The following BTBD9 variants were observed in gnomAD, a reference collection of about 807,000 sequenced individuals.
BTBD9 encodes BTB domain containing 9, also known as BTB/POZ domain-containing protein 9.
Under a neutral mutation model 64.3 loss-of-function variants are expected in BTBD9, and 49 were observed. That is an observed-to-expected ratio of 0.76 (90% CI 0.61 to 0.97). The LOEUF (loss-of-function observed/expected upper bound fraction) is 0.97. BTBD9 is among the 50% of genes least tolerant of loss of function. BTBD9 has a pLI of 0.00. For synonymous variants in BTBD9, 260 were observed against 274.7 expected, an observed-to-expected ratio of 0.95 and a Z score of 0.53; for missense variants, 598 against 762.1, an observed-to-expected ratio of 0.78 and a Z score of 2.53.
At position 38,557,015 on chromosome 6, in the gene BTBD9, C is replaced by CAAAAAAAAAAAAAAAAAA. The variant is rs397888418; in HGVS notation, c.1154+20567_1154+20584dup. On this transcript the variant is annotated intron_variant, in intron 6 of 10. Coordinates refer to ENST00000481247, the MANE Select transcript of BTBD9 (RefSeq NM_001099272.2). ...GGAACAGAGCGAGACTCCATCTCAC[C>CAAAAAAAAAAAAAAAAAA]AAAAAAAAAAAAAAAAAAAAAAAAA... is the stretch of plus-strand genomic sequence containing the variant. 1.3e-4 allele frequency among the ~76,000 whole-genome samples: 2 copies of CAAAAAAAAAAAAAAAAAA among 15,408 alleles called. 1 individual carries two copies. Among genetic ancestry groups the CAAAAAAAAAAAAAAAAAA allele is most frequent in the Non-Finnish European group, 2.3e-4 (2 of 8,692 alleles). The allele number at this position is 15,408 out of a possible 152,430, so 10.1% of individuals were successfully genotyped here. A position where few individuals can be genotyped will look rare whatever the true frequency, so the allele number is the denominator to read the frequency against.
rs3833669 is a variant in BTBD9 at position 38,169,899 on chromosome 6, TAAAAAA to T, written c.*5080_*5085del. 14 of 151,616 alleles carry T rather than the reference TAAAAAA, an allele frequency of 9.2e-5. No homozygotes were observed. Among genetic ancestry groups the T allele is most frequent in the African/African-American group, 2.9e-4 (12 of 41,250 alleles). 9.4% of individuals were successfully genotyped at this position (151,616 alleles called of 1,614,324 possible). On this transcript the variant is annotated 3_prime_UTR_variant, in exon 11 of 11. Transcript: ENST00000481247. ...CCTCTTGGGGACTATTTCAGTTCTTTAAAAAAAAGAAGACACGAAGCTGATGGGGCA... is the reference window on the plus strand; with the variant it reads ...CCTCTTGGGGACTATTTCAGTTCTTTAAGAAGACACGAAGCTGATGGGGCA...
chr6:38,382,281 A>G (rs530258755), intron 6 of BTBD9, among the ~76,000 whole-genome samples: 3 of 152,184 alleles, frequency 2.0e-5, no homozygotes, highest in African/African-American at 7.2e-5. Context: ...CTTAATCTCA[A>G]CTAATTGTGG....
At chr6:38,333,816 T>C (rs1312335316) in intron 7 of BTBD9, among the ~76,000 whole-genome samples, 3 of 152,188 alleles carry the variant, frequency 2.0e-5, no homozygotes, top group Admixed American at 1.3e-4. Context: ...ACAGGAAACG[T>C]GTACCAGAGA....
At chr6:38,228,059 A>G (rs1268646588) in intron 9 of BTBD9, among the ~76,000 whole-genome samples, 1 of 152,188 alleles carries the variant, frequency 6.6e-6, no homozygotes, top group East Asian at 1.9e-4. Context: ...CATAAAATGT[A>G]TAACACCAGG....
intron 6 of BTBD9, among the ~76,000 whole-genome samples, chr6:38,465,707 T>TTTTATATA (rs1770326366): frequency 2.1e-5 from 1 of 46,862 alleles, no homozygotes; most frequent in Non-Finnish European, 3.9e-5. Context: ...AATAAATAAA[T>TTTTATATA]TATATATATA....
At chr6:38,497,388 T>C (rs2127396870) in intron 6 of BTBD9, among the ~76,000 whole-genome samples, 1 of 152,308 alleles carries the variant, frequency 6.6e-6, no homozygotes, top group South Asian at 2.1e-4. Flanking sequence ...TACACTTTTT[T>C]TCCCCAAACT....
intron 6 of BTBD9, among the ~76,000 whole-genome samples, chr6:38,468,447 T>A (rs940843364): frequency 6.6e-6 from 1 of 152,358 alleles, no homozygotes; most frequent in Middle Eastern, 3.4e-3. Flanking sequence ...TTTCTCTGCC[T>A]CTTCTGTCTA....
intron 6 of BTBD9, among the ~76,000 whole-genome samples, chr6:38,489,517 A>AT (rs1446600853): frequency 6.6e-6 from 1 of 152,150 alleles, no homozygotes; most frequent in Non-Finnish European, 1.5e-5. Context: ...TTTTCACTTA[A>AT]TGTCAGCATT....
intron 6 of BTBD9, among the ~76,000 whole-genome samples, chr6:38,478,081 C>A (rs1770972947): frequency 6.6e-6 from 1 of 152,138 alleles, no homozygotes; most frequent in East Asian, 1.9e-4. Flanking sequence ...TGTGTGAGTG[C>A]CTAAGAGGAA....
At chr6:38,251,621 C>T (rs1002935978) in intron 9 of BTBD9, among the ~76,000 whole-genome samples, 1 of 151,984 alleles carries the variant, frequency 6.6e-6, no homozygotes, top group Non-Finnish European at 1.5e-5. Flanking sequence ...ATATTTCAGC[C>T]AGGTGCGGTG....
intron 6 of BTBD9, among the ~76,000 whole-genome samples, chr6:38,369,668 A>G (rs1245078919): frequency 6.6e-6 from 1 of 152,246 alleles, no homozygotes; most frequent in African/African-American, 2.4e-5. Context: ...AGGGGAAGAG[A>G]GAAGGAATAC....
intron 6 of BTBD9, among the ~76,000 whole-genome samples, chr6:38,546,144 C>T (rs908137642): frequency 6.6e-6 from 1 of 152,156 alleles, no homozygotes; most frequent in Non-Finnish European, 1.5e-5. Flanking sequence ...AGGTTCTATC[C>T]GATGAGTTTT....
intron 8 of BTBD9, among the ~76,000 whole-genome samples, chr6:38,287,992 A>T (rs929091893): frequency 5.3e-5 from 8 of 152,212 alleles, no homozygotes; most frequent in Admixed American, 2.6e-4. Context: ...TAACCAATAC[A>T]AATTGAGACT....
chr6:38,352,788 A>C (rs2127593693), intron 6 of BTBD9, among the ~76,000 whole-genome samples: 1 of 152,314 alleles, frequency 6.6e-6, no homozygotes, highest in African/African-American at 2.4e-5. Flanking sequence ...ACATAGCTAA[A>C]GGAGAATTAA....
At chr6:38,325,250 G>C (rs2127578071) in intron 7 of BTBD9, among the ~76,000 whole-genome samples, 1 of 152,212 alleles carries the variant, frequency 6.6e-6, no homozygotes, top group South Asian at 2.1e-4. Flanking sequence ...AAACATACTA[G>C]AGATGGTATC....
chr6:38,181,842 G>T (rs1258445979), intron 10 of BTBD9, among the ~76,000 whole-genome samples: 1 of 152,162 alleles, frequency 6.6e-6, no homozygotes, highest in African/African-American at 2.4e-5. Flanking sequence ...ACAAAAATTA[G>T]CCAGGTGTGG....
intron 6 of BTBD9, among the ~76,000 whole-genome samples, chr6:38,508,204 ACT>A: frequency 6.6e-6 from 1 of 151,052 alleles, no homozygotes; most frequent in South Asian, 2.1e-4. Context: ...CTAGTTGACA[ACT>A]CTATTTAGAT....
intron 6 of BTBD9, among the ~76,000 whole-genome samples, chr6:38,457,021 C>G (rs911257204): frequency 3.3e-5 from 5 of 152,052 alleles, no homozygotes. Context: ...AGAAGCCAGA[C>G]AGAAGAATAT....
At chr6:38,325,794 A>G (rs968959691) in intron 7 of BTBD9, among the ~76,000 whole-genome samples, 2 of 152,252 alleles carry the variant, frequency 1.3e-5, no homozygotes, top group Non-Finnish European at 2.9e-5. Context: ...TATTTATTAC[A>G]TAGTAAATCA....
Sources: gnomAD v4.1 joint callset for allele counts (sites outside exome capture counted in the v4.1 genomes callset) on GRCh38, gnomAD v4.1.1 for gene constraint, MANE v1.5 for transcripts, NCBI Gene and HGNC (gene_info 2026-07-23, HGNC 2026-07-21) for gene names.